The following PITPNM2 variants were observed in gnomAD, a reference collection of about 807,000 sequenced individuals.
PITPNM2 encodes membrane-associated phosphatidylinositol transfer protein 2.
PITPNM2 carries 35 observed loss-of-function variants against 132.2 expected under a neutral mutation model. That is an observed-to-expected ratio of 0.26 (90% CI 0.20 to 0.35). The LOEUF (loss-of-function observed/expected upper bound fraction) is 0.35. Ranked by LOEUF, PITPNM2 falls within the 10% of genes least tolerant of loss-of-function variation. The pLI is 1.00. For missense variants in PITPNM2, 1,332 were observed against 1,912.0 expected, an observed-to-expected ratio of 0.70 and a Z score of 5.66; for synonymous variants, 738 against 799.2, an observed-to-expected ratio of 0.92 and a Z score of 1.29.
In PITPNM2 at chr12:122,986,468, G is replaced by T; in HGVS notation, c.3694C>A (p.Arg1232=). 1 of 1,579,104 alleles carries T rather than the reference G, an allele frequency of 6.3e-7. No homozygotes were observed. Among genetic ancestry groups the T allele is most frequent in the Admixed American group, 1.8e-5 (1 of 54,074 alleles). The part of the protein sequence containing the change: ...LSPMQIYIVG[R]PTKKLQQQCQ... Reference sequence around the variant, plus strand: ...TGCTGCTGCAGCTTCTTGGTGGGCCGGCCCACGATGTAGATCTGCATGGGG... The same window carrying T: ...TGCTGCTGCAGCTTCTTGGTGGGCCTGCCCACGATGTAGATCTGCATGGGG... Residue 1232 remains arginine (R), a synonymous_variant, in exon 25 of 26, where the codon CGG becomes AGG. Coordinates refer to ENST00000320201, the MANE Select transcript of PITPNM2 (RefSeq NM_020845.3).
In PITPNM2 at chr12:123,119,420, C is replaced by G. The variant is rs562905672; in HGVS notation, c.-199-8932G>C. Among the ~76,000 whole-genome samples the G allele has an allele frequency of 2.1e-5, 3 of 145,928 alleles. No homozygotes were observed. The East Asian group carries it at 6.0e-4, about 29-fold the overall frequency. On this transcript the variant is annotated intron_variant, in intron 1 of 25. Transcript: ENST00000320201. ...TCACCCAGGCTGGAGTGCAGTGGAA[C>G]CATCTTGGCTCACTGCAAGCTCCGC...
intron 1 of PITPNM2, among the ~76,000 whole-genome samples, chr12:123,139,065 G>C (rs2043442385): frequency 6.6e-6 from 1 of 152,120 alleles, no homozygotes; most frequent in African/African-American, 2.4e-5. Context: ...TTGAGCCCAG[G>C]AGGTTGAGGT....
rs766692596 is a variant in PITPNM2, at chr12:122,997,572, C to T, written c.1225G>A (p.Asp409Asn). The T allele has an allele frequency of 2.5e-6, 4 of 1,610,060 alleles. No individual in the cohort carries two copies. In the Admixed American group the frequency reaches 5.0e-5, roughly 20 times the overall value. ...SSVEQLNIIE[D>N]EVSQPLAAPP... ...GCAGCCAGCGGCTGGCTAACCTCGT[C>T]CTGCATGGGTTGGGGGACAGTGTCA... The change falls in exon 11 of 26, where the codon GAC becomes AAC. Residue 409 changes from aspartate to asparagine, a missense_variant and splice_region_variant. This residue lies in a region of PITPNM2 where 710 missense variants were observed against 911.5 expected (regional missense o/e 0.78). Coordinates refer to ENST00000320201, the MANE Select transcript of PITPNM2 (RefSeq NM_020845.3).
intron 2 of PITPNM2, among the ~76,000 whole-genome samples, chr12:123,038,919 G>C (rs1418194656): frequency 1.3e-5 from 2 of 152,184 alleles, no homozygotes; most frequent in African/African-American, 4.8e-5. Flanking sequence ...GGGCAATACA[G>C]TGAGATACTG....
At chr12:123,048,846 A>G (rs539797555) in intron 2 of PITPNM2, among the ~76,000 whole-genome samples, 45 of 152,286 alleles carry the variant, frequency 3.0e-4, no homozygotes, top group African/African-American at 1.0e-3. Context: ...AAAATGGTCA[A>G]CATGGGGCCA....
intron 1 of PITPNM2, among the ~76,000 whole-genome samples, chr12:123,118,562 A>G (rs891376077): frequency 6.6e-6 from 1 of 152,242 alleles, no homozygotes; most frequent in African/African-American, 2.4e-5. Context: ...AGTGGAAAAC[A>G]TTAGTTCATG....
chr12:123,060,900 C>T (rs752189585), intron 2 of PITPNM2, among the ~76,000 whole-genome samples: 3 of 152,134 alleles, frequency 2.0e-5, no homozygotes, highest in Non-Finnish European at 4.4e-5. Flanking sequence ...AAAATTAAGG[C>T]CCAGAAAAGG....
chr12:123,033,865 ATTAC>A (rs2136454500), intron 3 of PITPNM2, among the ~76,000 whole-genome samples: 1 of 152,328 alleles, frequency 6.6e-6, no homozygotes, highest in Admixed American at 6.5e-5. Context: ...AAGATGAGGG[ATTAC>A]TTAATGAGTA....
At chr12:123,138,122 G>T (rs1379404713) in intron 1 of PITPNM2, among the ~76,000 whole-genome samples, 3 of 152,048 alleles carry the variant, frequency 2.0e-5, no homozygotes, top group African/African-American at 7.2e-5. Context: ...AAAATGTGGT[G>T]TATGCCTACA....
chr12:122,994,310 C>T lies in PITPNM2; in HGVS notation c.2233+491G>A, dbSNP rs985740637. On this transcript the variant is annotated intron_variant, in intron 15 of 25. Transcript: ENST00000320201. The surrounding 1 kb of genome is among the most constrained non-coding windows in gnomAD (Gnocchi z 5.4). ...CTCCTGGAGCTTTGCAGGCTGATCCCAGGGCACAGGGCAGGGACTGCTGCT... is the reference window on the plus strand; with the variant it reads ...CTCCTGGAGCTTTGCAGGCTGATCCTAGGGCACAGGGCAGGGACTGCTGCT... Among the ~76,000 whole-genome samples, 1 of 152,228 alleles carries T rather than the reference C, an allele frequency of 6.6e-6. No homozygotes were observed. The highest frequency in any genetic ancestry group is 2.4e-5 in the African/African-American group (1 of 41,462).
rs767084101 is a variant in PITPNM2, at chr12:122,985,588, A to G, written c.*439T>C. The G allele has an allele frequency of 4.8e-5, 8 of 166,794 alleles. No homozygotes were observed. Among genetic ancestry groups the G allele is most frequent in the Non-Finnish European group, 7.7e-5 (6 of 78,238 alleles). The allele number at this position is 166,794 out of a possible 1,614,324, so 10.3% of individuals were successfully genotyped here. A position where few individuals can be genotyped will look rare whatever the true frequency, so the allele number is the denominator to read the frequency against. ...AAACCAGTGAGGTTGAACAGTTGAG[A>G]AACTCGAGTTAACAAGATGCAGGCT... On this transcript the variant is annotated 3_prime_UTR_variant, in exon 26 of 26. Coordinates refer to ENST00000320201, the MANE Select transcript of PITPNM2 (RefSeq NM_020845.3).
At chr12:123,116,275 C>G (rs2042934601) in intron 1 of PITPNM2, among the ~76,000 whole-genome samples, 1 of 152,190 alleles carries the variant, frequency 6.6e-6, no homozygotes, top group South Asian at 2.1e-4. Flanking sequence ...AAAAGGTGGG[C>G]ACAACCCAGG....
Position 123,000,559 on chromosome 12 carries a change from T to C in PITPNM2, c.1224+219A>G. The C allele has an allele frequency of 3.0e-6, 2 of 676,580 alleles. No individual in the cohort carries two copies. Among genetic ancestry groups the C allele is most frequent in the South Asian group, 1.6e-5 (1 of 63,692 alleles). 41.9% of individuals were successfully genotyped at this position (676,580 alleles called of 1,614,324 possible). ...TTTCTCAGGGGTTGTCTGTAGTCCC[T>C]GGTTCTCGGGGACCTCAGAGACAGA... On this transcript the variant is annotated intron_variant, in intron 10 of 25. Transcript: ENST00000320201. The surrounding 1 kb of genome is among the most constrained non-coding windows in gnomAD (Gnocchi z 5.4).
intron 2 of PITPNM2, among the ~76,000 whole-genome samples, chr12:123,103,311 C>T (rs1593016915): frequency 6.6e-6 from 1 of 152,216 alleles, no homozygotes; most frequent in Non-Finnish European, 1.5e-5. Context: ...ACTGTTAGCT[C>T]CTTGACAGCA....
Position 123,000,431 on chromosome 12 carries a change from C to T in PITPNM2, c.1224+347G>A, listed in dbSNP as rs917005341. The T allele has an allele frequency of 4.3e-6, 3 of 702,978 alleles. No homozygotes were observed. The highest frequency in any genetic ancestry group is 7.8e-6 in the Non-Finnish European group (3 of 384,992). 43.5% of individuals were successfully genotyped at this position (702,978 alleles called of 1,614,324 possible). A position where few individuals can be genotyped will look rare whatever the true frequency, so the allele number is the denominator to read the frequency against. ...TCCTCCCTTTTCGTCTTTTTATCTT[C>T]AGGGACAGCAGACAGGCTGGGCACA... On this transcript the variant is annotated intron_variant, in intron 10 of 25. Coordinates refer to ENST00000320201, the MANE Select transcript of PITPNM2 (RefSeq NM_020845.3). This position sits in a 1 kb window ranked among gnomAD's most constrained non-coding sequence, Gnocchi z 5.4.
chr12:123,123,695 G>A (rs2043076292), intron 1 of PITPNM2, among the ~76,000 whole-genome samples: 1 of 152,146 alleles, frequency 6.6e-6, no homozygotes. Flanking sequence ...CACACTTTGG[G>A]AGGCTGAGAC....
At chr12:123,114,267 C>A (rs2042894452) in intron 1 of PITPNM2, among the ~76,000 whole-genome samples, 1 of 151,914 alleles carries the variant, frequency 6.6e-6, no homozygotes, top group Non-Finnish European at 1.5e-5. Context: ...AGTAATGCAT[C>A]TGTATTTTGA....
At position 123,083,962 on chromosome 12, in the gene PITPNM2, C is replaced by T. The variant is rs1163198976; in HGVS notation, c.-96+26423G>A. On this transcript the variant is annotated intron_variant, in intron 2 of 25. Coordinates refer to ENST00000320201, the MANE Select transcript of PITPNM2 (RefSeq NM_020845.3). The surrounding 1 kb of genome is among the most constrained non-coding windows in gnomAD (Gnocchi z 4.5). ...ATTGAAATCAGGTGGACCACCTCCC[C>T]AACCTCAGCAAGCCTGCTGGGGTGA... 1 of 152,332 alleles carries T rather than the reference C, an allele frequency of 6.6e-6. No homozygotes were observed. The highest frequency in any genetic ancestry group is 2.4e-5 in the African/African-American group (1 of 41,482). 9.4% of individuals were successfully genotyped at this position (152,332 alleles called of 1,614,324 possible).
intron 3 of PITPNM2, among the ~76,000 whole-genome samples, chr12:123,028,062 C>G (rs2039930436): frequency 6.6e-6 from 1 of 152,206 alleles, no homozygotes; most frequent in Admixed American, 6.5e-5. Context: ...GCCTGGCTCC[C>G]CAGGGGCTAA....
Sources: gnomAD v4.1 joint callset for allele counts (sites outside exome capture counted in the v4.1 genomes callset) on GRCh38, gnomAD v4.1.1 for gene constraint, gnomAD v4.1.1 regional missense constraint, Gnocchi (gnomAD v3.1) non-coding constraint, MANE v1.5 for transcripts, NCBI Gene and HGNC (gene_info 2026-07-23, HGNC 2026-07-21) for gene names.